Variants in ZNF875 observed in about 807,000 individuals in gnomAD.
ZNF875 encodes the protein HKR1, GLI-Kruppel zinc finger family member.
ZNF875 carries 14 observed loss-of-function variants against 11.2 expected under a neutral mutation model. That is an observed-to-expected ratio of 1.26 (90% CI 0.83 to 1.96). ZNF875 has a LOEUF of 1.96. ZNF875 is among the 30% of genes most tolerant of loss of function. ZNF875 has a pLI of 0.00. For missense variants in ZNF875, 752 were observed against 760.4 expected (o/e 0.99, Z 0.13); for synonymous variants, 301 against 281.1 (o/e 1.07, Z -0.71).
chr19:37,361,958 G>A (rs1277197439), intron 4 of ZNF875, 151 bp from the exon 5 acceptor site: 1 of 615,144 alleles, frequency 1.6e-6, no homozygotes, highest in Non-Finnish European at 2.9e-6. Context: ...TGCATGAAGT[G>A]AAATGAAAAA....
intron 4 of ZNF875, among the ~76,000 whole-genome samples, chr19:37,348,414 T>C (rs1461012137): frequency 6.6e-6 from 1 of 152,196 alleles, no homozygotes; most frequent in Non-Finnish European, 1.5e-5. Flanking sequence ...AATGGAATTG[T>C]TTTTCAGTAT....
At position 37,363,343 on chromosome 19, in the gene ZNF875, G is replaced by A; in HGVS notation, c.1491G>A (p.Gln497=). Residue 497 remains glutamine (Q), a synonymous_variant, in exon 5 of 5, where the codon CAG becomes CAA. Coordinates refer to ENST00000392153, the MANE Select transcript of ZNF875 (RefSeq NM_001353803.2). The part of the protein sequence containing the change: ...FTRKSTLSTH[Q]RTHSGEKPFV... ...GGAAATCAACCCTGAGCACGCACCA[G>A]AGGACACACTCAGGGGAGAAGCCAT... The A allele has an allele frequency of 5.0e-6, 8 of 1,610,998 alleles. No individual in the cohort carries two copies. The highest frequency in any genetic ancestry group is 5.9e-6 in the Non-Finnish European group (7 of 1,177,926).
chr19:37,341,774 A>G (rs1394232631), intron 2 of ZNF875, among the ~76,000 whole-genome samples: 1 of 152,160 alleles, frequency 6.6e-6, no homozygotes, highest in African/African-American at 2.4e-5. Context: ...GATGTAGCTA[A>G]AGCTTCTTCA....
chr19:37,349,855 A>G (rs1043694587), intron 4 of ZNF875, among the ~76,000 whole-genome samples: 1 of 151,598 alleles, frequency 6.6e-6, no homozygotes, highest in Non-Finnish European at 1.5e-5. Context: ...GGGTTTCACC[A>G]TGTTGGCCAG....
At position 37,362,801 on chromosome 19, in the gene ZNF875, C is replaced by T. The variant is rs200823279; in HGVS notation, c.949C>T (p.Arg317Ter). 1.6e-4 allele frequency: 266 copies of T among 1,613,630 alleles called. No homozygotes were observed. The highest frequency in any genetic ancestry group is 2.7e-4 in the East Asian group (12 of 44,838). The change falls in exon 5 of 5, where the codon CGA becomes TGA. Residue 317 changes from arginine (R) to a stop codon, truncating the protein, a stop_gained. Transcript: ENST00000392153. LOFTEE classifies it low-confidence loss of function (END_TRUNC). ...EKPYVCKDCG[R>*]GFTWKSNLFT... ...ACCTTATGTGTGCAAGGATTGTGGA[C>T]GAGGCTTTACTTGGAAGTCGAACCT...
intron 2 of ZNF875, 111 bp from the exon 3 acceptor site, chr19:37,347,067 TTGGCCTCCCAAA>T: frequency 7.7e-7 from 1 of 1,297,324 alleles, no homozygotes; most frequent in Non-Finnish European, 1.1e-6. Context: ...TCCGCCCACC[TTGGCCTCCCAAA>T]GTGCTGGGAT....
At chr19:37,352,153 T>A (rs183213427) in intron 4 of ZNF875, among the ~76,000 whole-genome samples, 2 of 152,154 alleles carry the variant, frequency 1.3e-5, no homozygotes, top group Non-Finnish European at 2.9e-5. Flanking sequence ...TGGAATTTCC[T>A]CCTTTGTTTT....
At chr19:37,346,902 T>C (rs147655943) in intron 2 of ZNF875, 3,978 of 283,770 alleles carry the variant, frequency 0.014, 188 homozygotes, top group African/African-American at 0.084. Context: ...TTGCTCTTGT[T>C]GCCCAGGCTG....
chr19:37,352,745 G>T (rs1267850743), intron 4 of ZNF875, among the ~76,000 whole-genome samples: 1 of 151,638 alleles, frequency 6.6e-6, no homozygotes, highest in Non-Finnish European at 1.5e-5. Flanking sequence ...TGTTATTGTT[G>T]ATAAGTAAGG....
intron 4 of ZNF875, among the ~76,000 whole-genome samples, chr19:37,349,420 T>C (rs910133490): frequency 2.6e-5 from 4 of 152,192 alleles, no homozygotes; most frequent in African/African-American, 9.7e-5. Flanking sequence ...CTTTAGGTTT[T>C]GATCATCTTT....
At chr19:37,343,523 A>G (rs114848900) in intron 2 of ZNF875, among the ~76,000 whole-genome samples, 1,628 of 152,108 alleles carry the variant, frequency 0.011, 13 homozygotes, top group Middle Eastern at 0.02. Flanking sequence ...CTACAGCTGG[A>G]TGGTCTCAAC....
intron 2 of ZNF875, among the ~76,000 whole-genome samples, chr19:37,340,884 A>G (rs772320112): frequency 9.2e-5 from 14 of 151,816 alleles, no homozygotes; most frequent in Non-Finnish European, 1.8e-4. Context: ...TCCTGACCTC[A>G]TGATCTATCC....
chr19:37,347,215 C>G lies in ZNF875; in HGVS notation c.59C>G (p.Ala20Gly), dbSNP rs371006116. 23 of 1,613,988 alleles carry G rather than the reference C, an allele frequency of 1.4e-5. No individual in the cohort carries two copies. The highest frequency in any genetic ancestry group is 3.3e-5 in the Admixed American group (2 of 59,996). ...KEAFVAFRDV[A>G]VYFTQEEWRL... ...GCGTTCGTGGCATTCAGGGATGTGG[C>G]TGTGTACTTCACCCAGGAGGAGTGG... The change falls in exon 3 of 5, where the codon GCT (alanine) becomes GGT (glycine). Residue 20 changes from alanine to glycine, a missense_variant. Ala to Gly is a moderately conservative substitution (Grantham distance 60). Coordinates refer to ENST00000392153, the MANE Select transcript of ZNF875 (RefSeq NM_001353803.2).
At chr19:37,360,409 T>C (rs1285242311) in intron 4 of ZNF875, among the ~76,000 whole-genome samples, 1 of 152,244 alleles carries the variant, frequency 6.6e-6, no homozygotes, top group Non-Finnish European at 1.5e-5. Context: ...TTTTATGTCC[T>C]TTGAATTTCA....
intron 3 of ZNF875, 89 bp from the exon 4 acceptor site, chr19:37,347,688 G>T: frequency 1.2e-6 from 1 of 810,702 alleles, no homozygotes. Flanking sequence ...TTTATCCTCT[G>T]GGTTTCCTCA....
upstream of ZNF875, among the ~76,000 whole-genome samples, chr19:37,315,795 A>G (rs547106054): frequency 2.0e-5 from 3 of 152,104 alleles, no homozygotes; most frequent in South Asian, 6.2e-4. Flanking sequence ...GACTGCACCT[A>G]CAAGCAGAAG....
upstream of ZNF875, among the ~76,000 whole-genome samples, chr19:37,330,100 T>A (rs2033144490): frequency 6.6e-6 from 1 of 152,226 alleles, no homozygotes; most frequent in Non-Finnish European, 1.5e-5. Flanking sequence ...TATATATGTT[T>A]GAAAAATAAA....
At chr19:37,336,131 GCCT>G (rs1050867174) in intron 2 of ZNF875, among the ~76,000 whole-genome samples, 2 of 152,090 alleles carry the variant, frequency 1.3e-5, no homozygotes, top group African/African-American at 4.8e-5. Flanking sequence ...GGTTAGGGAG[GCCT>G]CCTAGAAGTA....
In ZNF875 at chr19:37,362,417, T is replaced by TC. The variant is rs1336669801; in HGVS notation, c.567dup (p.Lys190GlnfsTer14). On this transcript the variant is annotated frameshift_variant, in exon 5 of 5. Transcript: ENST00000392153. LOFTEE classifies it low-confidence loss of function (END_TRUNC). ...ACCTGAAGAACAACAGCCAGCACAGTCCAAGGAAGACAACACAGTGGTGGA... is the reference window on the plus strand; with the variant it reads ...ACCTGAAGAACAACAGCCAGCACAGTCCCAAGGAAGACAACACAGTGGTGGA... 1 of 1,613,810 alleles carries TC rather than the reference T, an allele frequency of 6.2e-7. No homozygotes were observed. Among genetic ancestry groups the TC allele is most frequent in the Non-Finnish European group, 8.5e-7 (1 of 1,179,996 alleles).
Sources: allele counts gnomAD v4.1 joint callset (sites outside exome capture counted in the v4.1 genomes callset), GRCh38; gene constraint gnomAD v4.1.1; transcripts MANE v1.5; gene names NCBI Gene and HGNC (gene_info 2026-07-23, HGNC 2026-07-21).